AGAP1: variants seen among roughly 807,000 people sequenced by gnomAD.
AGAP1 encodes arf-GAP with GTPase, ANK repeat and PH domain-containing protein 1.
Under a neutral mutation model 105.3 loss-of-function variants are expected in AGAP1, and 29 were observed. The ratio of observed to expected loss-of-function variants is 0.28; its 90% confidence interval spans 0.21 to 0.38. The LOEUF is 0.38. Ranked by LOEUF, AGAP1 falls within the 10% of genes least tolerant of loss-of-function variation. AGAP1 has a pLI of 1.00. For missense variants in AGAP1, 998 were observed against 1,165.1 expected (o/e 0.86, Z 2.09); for synonymous variants, 509 against 485.9 (o/e 1.05, Z -0.63).
rs1699465919 is a variant in AGAP1 at position 235,875,352 on chromosome 2, C to T, written c.1051-7993C>T. 6.6e-6 allele frequency among the ~76,000 whole-genome samples: 1 copy of T among 152,120 alleles called. No homozygotes were observed. Among genetic ancestry groups the T allele is most frequent in the Admixed American group, 6.5e-5 (1 of 15,272 alleles). ...GTTCCTGAGATCTTAGGATAAAAGC[C>T]CACCGAGGTGCGAGTCTCACCATCG... On this transcript the variant is annotated intron_variant, in intron 9 of 17. Coordinates refer to ENST00000304032, the MANE Select transcript of AGAP1 (RefSeq NM_001037131.3). The surrounding 1 kb of genome is among the most constrained non-coding windows in gnomAD (Gnocchi z 4.0).
chr2:235,881,028 AC>A (rs1013014878), intron 9 of AGAP1, among the ~76,000 whole-genome samples: 1 of 152,198 alleles, frequency 6.6e-6, no homozygotes, highest in African/African-American at 2.4e-5. Context: ...AAGGTATGCC[AC>A]ATTTTGCCAC....
At chr2:235,731,399 G>A (rs972094897) in intron 3 of AGAP1, among the ~76,000 whole-genome samples, 1 of 152,162 alleles carries the variant, frequency 6.6e-6, no homozygotes, top group Non-Finnish European at 1.5e-5. Context: ...CTTTTTCCTA[G>A]AGCCATTTGA....
chr2:235,797,693 C>CTCTG lies in AGAP1; in HGVS notation c.674-65_674-62dup. On this transcript the variant is annotated intron_variant, in intron 6 of 17. Coordinates refer to ENST00000304032, the MANE Select transcript of AGAP1 (RefSeq NM_001037131.3). Reference sequence around the variant, plus strand: ...CAGATTTCGACAACAGACTGATGATCTCTGCTCTGTTCCTGAATTTGGAAA... The same window carrying CTCTG: ...CAGATTTCGACAACAGACTGATGATCTCTGTCTGCTCTGTTCCTGAATTTGGAAA... 1.9e-6 allele frequency: 3 copies of CTCTG among 1,595,878 alleles called. No homozygotes were observed. In the South Asian group the frequency reaches 3.3e-5, roughly 18 times the overall value.
chr2:235,944,166 CTTAAA>C, intron 12 of AGAP1, among the ~76,000 whole-genome samples: 1 of 152,274 alleles, frequency 6.6e-6, no homozygotes, highest in East Asian at 1.9e-4. Context: ...TTCAGATCCT[CTTAAA>C]TTATATACTT....
chr2:236,032,905 T>C (rs1187570475), intron 13 of AGAP1, among the ~76,000 whole-genome samples: 4 of 152,190 alleles, frequency 2.6e-5, no homozygotes, highest in Non-Finnish European at 5.9e-5. Context: ...AAGGGAACTT[T>C]CTTCTGTCCA....
rs571751971 is a variant in AGAP1, at chr2:235,585,422, A to G, written c.163+90573A>G. Among the ~76,000 whole-genome samples, 4 of 152,242 alleles carry G rather than the reference A, an allele frequency of 2.6e-5. No individual in the cohort carries two copies. The South Asian group carries it at 6.2e-4, about 24-fold the overall frequency. Reference sequence around the variant, plus strand: ...ATTGGACCCACCTGTGTAATCCAGAATCCTTGCAAAACCCCCATCTCAAAA... The same window carrying G: ...ATTGGACCCACCTGTGTAATCCAGAGTCCTTGCAAAACCCCCATCTCAAAA... On this transcript the variant is annotated intron_variant, in intron 1 of 17. Transcript: ENST00000304032.
At position 235,734,192 on chromosome 2, in the gene AGAP1, G is replaced by T. The variant is rs112832710; in HGVS notation, c.311-6771G>T. Among the ~76,000 whole-genome samples, 2 of 152,170 alleles carry T rather than the reference G, an allele frequency of 1.3e-5. No individual in the cohort carries two copies. Among genetic ancestry groups the T allele is most frequent in the African/African-American group, 4.8e-5 (2 of 41,440 alleles). ...TAATACAGTTTGCAGATTTTCTCCC[G>T]ATGTCATCATGGCACTCAGTAACAA... On this transcript the variant is annotated intron_variant, in intron 3 of 17. Coordinates refer to ENST00000304032, the MANE Select transcript of AGAP1 (RefSeq NM_001037131.3). This position sits in a 1 kb window ranked among gnomAD's most constrained non-coding sequence, Gnocchi z 5.3.
At chr2:235,837,151 A>G (rs1203156212) in intron 9 of AGAP1, among the ~76,000 whole-genome samples, 2 of 152,012 alleles carry the variant, frequency 1.3e-5, no homozygotes, top group East Asian at 3.9e-4. Context: ...ACGCCTGGCT[A>G]ATTTTGTATT....
At chr2:235,603,348 A>T (rs1945803560) in intron 1 of AGAP1, among the ~76,000 whole-genome samples, 1 of 152,210 alleles carries the variant, frequency 6.6e-6, no homozygotes, top group Non-Finnish European at 1.5e-5. Flanking sequence ...AGCCTAGGGT[A>T]TGCCTTTATC....
In AGAP1 at chr2:235,865,633, C is replaced by T. The variant is rs965466820; in HGVS notation, c.1051-17712C>T. ...CTGTACAGAAGGAGCTGCAGAAAAG[C>T]CTCCATTTGTAAAATAATAGGTGCT... On this transcript the variant is annotated intron_variant, in intron 9 of 17. Coordinates refer to ENST00000304032, the MANE Select transcript of AGAP1 (RefSeq NM_001037131.3). This position sits in a 1 kb window ranked among gnomAD's most constrained non-coding sequence, Gnocchi z 6.2. Among the ~76,000 whole-genome samples the T allele has an allele frequency of 4.6e-5, 7 of 152,098 alleles. No homozygotes were observed. The highest frequency in any genetic ancestry group is 1.7e-4 in the African/African-American group (7 of 41,428).
intron 13 of AGAP1, among the ~76,000 whole-genome samples, chr2:236,018,252 C>T (rs2056773342): frequency 6.6e-6 from 1 of 152,080 alleles, no homozygotes; most frequent in Non-Finnish European, 1.5e-5. Context: ...ATGGTATGAT[C>T]CTCCAATTAA....
chr2:235,563,176 C>A (rs1035077627), intron 1 of AGAP1, among the ~76,000 whole-genome samples: 1 of 152,214 alleles, frequency 6.6e-6, no homozygotes, highest in Admixed American at 6.5e-5. Context: ...AGGTGTGCAG[C>A]CCCAGCATCT....
chr2:235,626,337 G>C (rs764910084), intron 1 of AGAP1, among the ~76,000 whole-genome samples: 2 of 152,162 alleles, frequency 1.3e-5, no homozygotes, highest in Non-Finnish European at 2.9e-5. Context: ...CAGCCTGGGC[G>C]ACAGAGTGAG....
rs531386617 is a variant in AGAP1 at position 236,036,108 on chromosome 2, C to T, written c.1646-453C>T. Among the ~76,000 whole-genome samples, 2 of 152,272 alleles carry T rather than the reference C, an allele frequency of 1.3e-5. No homozygotes were observed. The highest frequency in any genetic ancestry group is 1.3e-4 in the Admixed American group (2 of 15,302). On this transcript the variant is annotated intron_variant, in intron 13 of 17. Coordinates refer to ENST00000304032, the MANE Select transcript of AGAP1 (RefSeq NM_001037131.3). This position sits in a 1 kb window ranked among gnomAD's most constrained non-coding sequence, Gnocchi z 5.7. ...TAACAGGTCCTCTGCCATAAAAGAA[C>T]AGAACCTTCCCGCGTTCCTCTATCC... is the stretch of plus-strand genomic sequence containing the variant.
intron 16 of AGAP1, among the ~76,000 whole-genome samples, chr2:236,102,597 A>G (rs887599642): frequency 1.3e-5 from 2 of 151,614 alleles, no homozygotes; most frequent in African/African-American, 2.4e-5. Context: ...AAAAAAAAAA[A>G]AAAAGAAAGA....
At chr2:235,859,701 A>G (rs1365593816) in intron 9 of AGAP1, among the ~76,000 whole-genome samples, 6 of 152,146 alleles carry the variant, frequency 3.9e-5, no homozygotes, top group Non-Finnish European at 8.8e-5. Context: ...CTGTAGAACA[A>G]ATTTCAACCT....
In AGAP1 at chr2:235,553,631, G is replaced by C. The variant is rs933454724; in HGVS notation, c.163+58782G>C. Among the ~76,000 whole-genome samples, 1 of 152,036 alleles carries C rather than the reference G, an allele frequency of 6.6e-6. No individual in the cohort carries two copies. The highest frequency in any genetic ancestry group is 1.5e-5 in the Non-Finnish European group (1 of 68,008). On this transcript the variant is annotated intron_variant, in intron 1 of 17. Transcript: ENST00000304032. The surrounding 1 kb of genome is among the most constrained non-coding windows in gnomAD (Gnocchi z 4.5). The stretch of plus-strand genomic sequence containing the variant: ...CGTGAAGTGGAGCCTGGTCCCTGGT[G>C]ACCCAGGTACAGTTTACGTCTGGAG...
intron 12 of AGAP1, among the ~76,000 whole-genome samples, chr2:235,939,167 GA>G (rs1476470230): frequency 6.6e-6 from 1 of 152,156 alleles, no homozygotes; most frequent in Non-Finnish European, 1.5e-5. Context: ...GATGCAGTGA[GA>G]CAGGTCCCAG....
intron 11 of AGAP1, among the ~76,000 whole-genome samples, chr2:235,917,805 G>T (rs1027985341): frequency 6.6e-6 from 1 of 152,202 alleles, no homozygotes; most frequent in African/African-American, 2.4e-5. Flanking sequence ...GTGCAGAATG[G>T]CAGCTCATTG....
Sources: gnomAD v4.1 joint callset for allele counts (sites outside exome capture counted in the v4.1 genomes callset) on GRCh38, gnomAD v4.1.1 for gene constraint, Gnocchi (gnomAD v3.1) non-coding constraint, MANE v1.5 for transcripts, NCBI Gene and HGNC (gene_info 2026-07-23, HGNC 2026-07-21) for gene names.